SART1: variants seen among roughly 807,000 people sequenced by gnomAD.
The protein encoded by SART1 is spliceosome associated factor 1, recruiter of U4/U6.U5 tri-snRNP, also known as U4/U6.U5 tri-snRNP-associated protein 1.
A neutral mutation model predicts 105.0 loss-of-function variants in SART1; 28 were observed. The ratio of observed to expected loss-of-function variants is 0.27; its 90% CI spans 0.20 to 0.37. The LOEUF (loss-of-function observed/expected upper bound fraction) is 0.37, where lower values mean the gene tolerates loss of function less well. Ranked by LOEUF, SART1 falls within the 10% of genes least tolerant of loss-of-function variation. SART1 has a pLI of 1.00. For synonymous variants in SART1, 472 were observed against 462.9 expected, an observed-to-expected ratio of 1.02 and a Z score of -0.25; for missense variants, 894 against 1,106.5, an observed-to-expected ratio of 0.81 and a Z score of 2.72.
intron 12 of SART1, among the ~76,000 whole-genome samples, chr11:65,973,355 G>A (rs145111989): frequency 2.0e-5 from 3 of 152,026 alleles, no homozygotes; most frequent in East Asian, 3.9e-4. Context: ...GAAAATAGGC[G>A]AAAGATGTAG....
Position 65,977,831 on chromosome 11 carries a change from G to C in SART1, c.2104G>C (p.Asp702His). The C allele has an allele frequency of 6.2e-7, 1 of 1,614,006 alleles. No individual in the cohort carries two copies. Among genetic ancestry groups the C allele is most frequent in the Non-Finnish European group, 8.5e-7 (1 of 1,180,006 alleles). ...RGFTQDFKEKDGYKPDVKIEY... is the reference protein window; with the variant it reads ...RGFTQDFKEKHGYKPDVKIEY... ...CTTCACACAGGACTTCAAGGAGAAG[G>C]ACGGCTACAAACCCGACGTTAAGAT... Residue 702 changes from aspartate (D) to histidine (H), a missense_variant, in exon 17 of 20, where the codon GAC becomes CAC. Physicochemically the swap from Asp to His is moderately conservative, Grantham distance 81. Coordinates refer to ENST00000312397, the MANE Select transcript of SART1 (RefSeq NM_005146.5).
chr11:65,967,946 T>C, intron 12 of SART1, 125 bp downstream of exon 12: 3 of 768,216 alleles, frequency 3.9e-6, no homozygotes, highest in Non-Finnish European at 5.5e-6. Context: ...GTTTTCTGGG[T>C]TTGTTTTTTT....
rs1382288212 is a variant in SART1 at position 65,978,778 on chromosome 11, G to GC, written c.2263-11dup. The GC allele has an allele frequency of 4.3e-6, 7 of 1,613,768 alleles. No homozygotes were observed. The highest frequency in any genetic ancestry group is 2.7e-5 in the African/African-American group (2 of 74,888). On this transcript the variant is annotated splice_polypyrimidine_tract_variant and intron_variant, in intron 18 of 19. Coordinates refer to ENST00000312397, the MANE Select transcript of SART1 (RefSeq NM_005146.5). This position sits in a 1 kb window ranked among gnomAD's most constrained non-coding sequence, Gnocchi z 6.8. Reference sequence around the variant, plus strand: ...GGCCTGCTGCAGCCCTTTCTGAGTGGCCCCGACCCCTCAGCTCCTGAAGAA... The same window carrying GC: ...GGCCTGCTGCAGCCCTTTCTGAGTGGCCCCCGACCCCTCAGCTCCTGAAGAA...
rs1855527250 is a variant in SART1, at chr11:65,978,440, G to A, written c.2173-160G>A. ...CCGGCCTCTGCTGGGGCCCTGCAGG[G>A]TGCCAGCGTCTGTGCTCTTTTCCCA... On this transcript the variant is annotated intron_variant, in intron 17 of 19. Transcript: ENST00000312397. This position sits in a 1 kb window ranked among gnomAD's most constrained non-coding sequence, Gnocchi z 6.8. The A allele has an allele frequency of 2.9e-6, 2 of 679,776 alleles. No homozygotes were observed. Among genetic ancestry groups the A allele is most frequent in the Admixed American group, 2.3e-5 (1 of 43,564 alleles). 42.1% of individuals were successfully genotyped at this position (679,776 alleles called of 1,614,324 possible).
chr11:65,966,472 C>A lies in SART1; in HGVS notation c.1104C>A (p.Ile368=). Residue 368 remains isoleucine (I), a synonymous_variant, in exon 9 of 20, where the codon ATC becomes ATA. Transcript: ENST00000312397. ...TGCGGGAGCGGGAGCTGGAGGAGATCCGGGCCAAGCTGCGGCTGCAGGCTC... is the reference window on the plus strand; with the variant it reads ...TGCGGGAGCGGGAGCTGGAGGAGATACGGGCCAAGCTGCGGCTGCAGGCTC... ...DGLRERELEE[I]RAKLRLQAQS... is the part of the protein sequence containing the mutation. 6.2e-7 allele frequency: 1 copy of A among 1,610,980 alleles called. No individual in the cohort carries two copies.
intron 7 of SART1, 32 bp from the exon 8 acceptor site, chr11:65,966,044 T>C (rs767307580): frequency 6.2e-7 from 1 of 1,613,654 alleles, no homozygotes; most frequent in East Asian, 2.2e-5. Context: ...TGCGGACAAG[T>C]GTGAATGGCC....
chr11:65,976,461 C>T lies in SART1; in HGVS notation c.1639C>T (p.Arg547Trp), dbSNP rs149897859. Residue 547 changes from arginine to tryptophan, a missense_variant, in exon 13 of 20, where the codon CGG (arginine) becomes TGG (tryptophan). By Grantham distance (101) the Arg-to-Trp change is moderately radical. Coordinates refer to ENST00000312397, the MANE Select transcript of SART1 (RefSeq NM_005146.5). This position sits in a 1 kb window ranked among gnomAD's most constrained non-coding sequence, Gnocchi z 5.1. Reference sequence around the variant, plus strand: ...CTGGGAGGAGGATGAGGATCCCGAGCGGAAGGGGGCCATCGTGTTCAACGC... The same window carrying T: ...CTGGGAGGAGGATGAGGATCCCGAGTGGAAGGGGGCCATCGTGTTCAACGC... ...RGWEEDEDPE[R>W]KGAIVFNATS... is the part of the protein sequence containing the mutation. 2.7e-5 allele frequency: 43 copies of T among 1,569,898 alleles called. No individual in the cohort carries two copies. The South Asian group carries it at 3.5e-4, about 13-fold the overall frequency.
chr11:65,976,826 C>G lies in SART1; in HGVS notation c.1857+60C>G. 7.1e-7 allele frequency: 1 copy of G among 1,410,046 alleles called. No homozygotes were observed. Among genetic ancestry groups the G allele is most frequent in the Non-Finnish European group, 9.8e-7 (1 of 1,022,578 alleles). 87.3% of individuals were successfully genotyped at this position (1,410,046 alleles called of 1,614,324 possible). On this transcript the variant is annotated intron_variant, in intron 14 of 19. Transcript: ENST00000312397. This position sits in a 1 kb window ranked among gnomAD's most constrained non-coding sequence, Gnocchi z 5.1. ...GGGTGCTCAAGCTGGAGATGAGCAC[C>G]GGGCTCGGTGTCCAGAGCCTCAGCC...
At chr11:65,965,524 AGAGAG>A in intron 5 of SART1, 77 bp downstream of exon 5, 1 of 1,439,100 alleles carries the variant, frequency 6.9e-7, no homozygotes, top group Non-Finnish European at 9.5e-7. Context: ...GGCCAACCCC[AGAGAG>A]GTGAGACGGG....
chr11:65,973,955 G>T (rs1000397229), intron 12 of SART1, among the ~76,000 whole-genome samples: 1 of 152,062 alleles, frequency 6.6e-6, no homozygotes, highest in African/African-American at 2.4e-5. Context: ...AAGACAAGCC[G>T]GTGAGTCATG....
Position 65,979,047 on chromosome 11 carries a change from C to T in SART1, c.*17C>T, listed in dbSNP as rs760040633. 9.9e-6 allele frequency: 16 copies of T among 1,613,950 alleles called. No homozygotes were observed. Among genetic ancestry groups the T allele is most frequent in the South Asian group, 6.6e-5 (6 of 91,090 alleles). On this transcript the variant is annotated 3_prime_UTR_variant, in exon 20 of 20. Transcript: ENST00000312397. ...ACCAAGTGACAGCGCCCTCCCGCCC[C>T]GGCCCTGCCTCAACCTTCATATTAA... is the stretch of plus-strand genomic sequence containing the variant.
rs1246970483 is a variant in SART1, at chr11:65,979,482, T to C, written c.*452T>C. The C allele has an allele frequency of 9.4e-6, 2 of 212,954 alleles. No homozygotes were observed. Among genetic ancestry groups the C allele is most frequent in the Non-Finnish European group, 1.9e-5 (2 of 105,756 alleles). The allele number at this position is 212,954 out of a possible 1,614,324, so 13.2% of individuals were successfully genotyped here. A position where few individuals can be genotyped will look rare whatever the true frequency, so the allele number is the denominator to read the frequency against. On this transcript the variant is annotated 3_prime_UTR_variant, in exon 20 of 20. Coordinates refer to ENST00000312397, the MANE Select transcript of SART1 (RefSeq NM_005146.5). The stretch of plus-strand genomic sequence containing the variant: ...CTGTCCTGGCTGTCCTGTGCCACCC[T>C]GGTCTGTGTCTAGAGGAGTGAAACT...
At chr11:65,972,725 T>C (rs1450124776) in intron 12 of SART1, among the ~76,000 whole-genome samples, 7 of 150,314 alleles carry the variant, frequency 4.7e-5, no homozygotes, top group Non-Finnish European at 8.8e-5. Context: ...TATGATAGAC[T>C]ATAGCTGACT....
Position 65,966,377 on chromosome 11 carries a change from T to C in SART1, c.1009T>C (p.Tyr337His). ...AAAACCTCGCTCTATCCTGTCCAAGTATGACGAAGAGCTTGAAGGGGAGCG... is the reference window on the plus strand; with the variant it reads ...AAAACCTCGCTCTATCCTGTCCAAGCATGACGAAGAGCTTGAAGGGGAGCG... ...QQKPRSILSK[Y>H]DEELEGERPH... The change falls in exon 9 of 20, where the codon TAT (tyrosine) becomes CAT (histidine). Residue 337 changes from tyrosine (Y) to histidine (H), a missense_variant. Transcript: ENST00000312397. 6.2e-7 allele frequency: 1 copy of C among 1,613,936 alleles called. No homozygotes were observed. Among genetic ancestry groups the C allele is most frequent in the South Asian group, 1.1e-5 (1 of 91,090 alleles).
At chr11:65,967,962 T>G in intron 12 of SART1, 141 bp downstream of exon 12, 1 of 811,422 alleles carries the variant, frequency 1.2e-6, no homozygotes, top group Non-Finnish European at 1.8e-6. Flanking sequence ...TTTTTTTTTT[T>G]TTTTTGAGAC....
chr11:65,965,371 C>A lies in SART1; in HGVS notation c.584C>A (p.Pro195His). ...GKIKTLGEDD[P>H]WLDDTAAWIE... The stretch of plus-strand genomic sequence containing the variant: ...ATAAAGACCCTAGGAGAGGATGACC[C>A]CTGGCTGGACGACACTGCAGCCTGG... The change falls in exon 5 of 20, where the codon CCC becomes CAC. Residue 195 changes from proline (P) to histidine (H), a missense_variant. Transcript: ENST00000312397. 1 of 1,588,196 alleles carries A rather than the reference C, an allele frequency of 6.3e-7. No individual in the cohort carries two copies. The highest frequency in any genetic ancestry group is 2.3e-5 in the East Asian group (1 of 43,338).
intron 12 of SART1, among the ~76,000 whole-genome samples, chr11:65,970,523 G>T (rs74736604): frequency 6.6e-6 from 1 of 152,012 alleles, no homozygotes; most frequent in Admixed American, 6.6e-5. Context: ...AAGCCAGCTC[G>T]TGTCATCATT....
chr11:65,977,884 A>G lies in SART1; in HGVS notation c.2157A>G (p.Lys719=), dbSNP rs144454090. 16 of 1,611,692 alleles carry G rather than the reference A, an allele frequency of 9.9e-6. No individual in the cohort carries two copies. Among genetic ancestry groups the G allele is most frequent in the Non-Finnish European group, 1.4e-5 (16 of 1,179,240 alleles). ...KIEYVDETGR[K]LTPKEAFRQL... The stretch of plus-strand genomic sequence containing the variant: ...AATACGTGGATGAGACGGGCCGGAA[A>G]CTCACACCCAAGGAGGTGAGCAGGG... Residue 719 remains lysine (K), a synonymous_variant, in exon 17 of 20, where the codon AAA becomes AAG. Coordinates refer to ENST00000312397, the MANE Select transcript of SART1 (RefSeq NM_005146.5).
Position 65,978,351 on chromosome 11 carries a change from G to T in SART1, c.2173-249G>T. On this transcript the variant is annotated intron_variant, in intron 17 of 19. Coordinates refer to ENST00000312397, the MANE Select transcript of SART1 (RefSeq NM_005146.5). This position sits in a 1 kb window ranked among gnomAD's most constrained non-coding sequence, Gnocchi z 6.8. Reference sequence around the variant, plus strand: ...AGCGTCCAGGCCCAGCCCCTGCGTGGCAGGTCTCCAGGTTCCCCATGCTCT... The same window carrying T: ...AGCGTCCAGGCCCAGCCCCTGCGTGTCAGGTCTCCAGGTTCCCCATGCTCT... 8 of 554,528 alleles carry T rather than the reference G, an allele frequency of 1.4e-5. No individual in the cohort carries two copies. The East Asian group carries it at 2.2e-4, about 15-fold the overall frequency. The allele number at this position is 554,528 out of a possible 1,614,324, so 34.4% of individuals were successfully genotyped here.
Sources: allele counts gnomAD v4.1 joint callset (sites outside exome capture counted in the v4.1 genomes callset), GRCh38; gene constraint gnomAD v4.1.1; non-coding constraint Gnocchi (gnomAD v3.1); transcripts MANE v1.5; gene names NCBI Gene and HGNC (gene_info 2026-07-23, HGNC 2026-07-21).